ADAMTS9: variants seen among roughly 807,000 people sequenced by gnomAD.
ADAMTS9 encodes A disintegrin and metalloproteinase with thrombospondin motifs 9.
ADAMTS9 carries 107 observed loss-of-function variants against 257.1 expected under a neutral mutation model. The observed-to-expected ratio is 0.42, with a 90% CI of 0.36 to 0.49. ADAMTS9 has a LOEUF of 0.49. Among genes scored for constraint, ADAMTS9 ranks in the 20% least tolerant of loss-of-function variants. The pLI, the probability that ADAMTS9 is intolerant of heterozygous loss-of-function variation, is 0.03. For synonymous variants in ADAMTS9, 982 were observed against 880.9 expected, an observed-to-expected ratio of 1.11 and a Z score of -2.03; for missense variants, 2,353 against 2,469.1, an observed-to-expected ratio of 0.95 and a Z score of 1.00.
intron 30 of ADAMTS9, among the ~76,000 whole-genome samples, chr3:64,551,508 C>A (rs937892666): frequency 1.3e-5 from 2 of 152,128 alleles, no homozygotes; most frequent in Non-Finnish European, 2.9e-5. Context: ...CACTCCCGGC[C>A]GAGAACTCCT....
chr3:64,664,727 A>G (rs557077212), intron 3 of ADAMTS9, among the ~76,000 whole-genome samples: 2 of 152,348 alleles, frequency 1.3e-5, no homozygotes, highest in African/African-American at 4.8e-5. Flanking sequence ...CATTGCTGCT[A>G]TGAACATTCA....
intron 11 of ADAMTS9, among the ~76,000 whole-genome samples, chr3:64,643,810 T>G (rs2106928100): frequency 6.6e-6 from 1 of 152,026 alleles, no homozygotes; most frequent in East Asian, 1.9e-4. Context: ...TACTAAGTCT[T>G]CAAATCCTGG....
chr3:64,659,043 A>T lies in ADAMTS9; in HGVS notation c.680-252T>A, dbSNP rs180796566. Among the ~76,000 whole-genome samples, 26 of 152,296 alleles carry T rather than the reference A, an allele frequency of 1.7e-4. No homozygotes were observed. The East Asian group carries it at 4.2e-3, about 25-fold the overall frequency. Reference sequence around the variant, plus strand: ...AGAAAATCAGGCCCGAGCTTAAGGGAAACAATTGCACGTGATTCTTATTCA... The same window carrying T: ...AGAAAATCAGGCCCGAGCTTAAGGGTAACAATTGCACGTGATTCTTATTCA... On this transcript the variant is annotated intron_variant, in intron 3 of 39. Transcript: ENST00000498707.
In ADAMTS9 at chr3:64,616,035, A is replaced by G; in HGVS notation, c.2949T>C (p.His983=). ...ATTTTTCACGGTTGCTTGGTTTGGG[A>G]TGGCTGCTGCAAAAACCATCATCAA... ...EKVDDGFCSS[H]PKPSNREKCS... is the part of the protein sequence containing the mutation. The change falls in exon 20 of 40, where the codon CAT becomes CAC. Residue 983 remains histidine, a synonymous_variant. Coordinates refer to ENST00000498707, the MANE Select transcript of ADAMTS9 (RefSeq NM_182920.2). The G allele has an allele frequency of 1.2e-6, 2 of 1,613,990 alleles. No homozygotes were observed. Among genetic ancestry groups the G allele is most frequent in the South Asian group, 1.1e-5 (1 of 91,070 alleles).
rs1474763665 is a variant in ADAMTS9 at position 64,602,272 on chromosome 3, C to T, written c.3748-59G>A. ...TCATTTGGTGGAGGGGTTGACAATT[C>T]CTGAATGTGCATTTCTGTAAATGGC... On this transcript the variant is annotated intron_variant, in intron 25 of 39. Transcript: ENST00000498707. The T allele has an allele frequency of 1.0e-5, 16 of 1,574,304 alleles. No homozygotes were observed. The East Asian group carries it at 3.2e-4, about 31-fold the overall frequency.
In ADAMTS9 at chr3:64,606,960, C is replaced by T. The variant is rs560587786; in HGVS notation, c.3474G>A (p.Gln1158=). Residue 1158 remains glutamine, a splice_region_variant and synonymous_variant, in exon 23 of 40, where the codon CAG becomes CAA. Coordinates refer to ENST00000498707, the MANE Select transcript of ADAMTS9 (RefSeq NM_182920.2). ...CNAATRPTDT[Q]DCELPSCHPP... ...ACTGAGTTGGACAAAGGAAACTTAC[C>T]TGGGTATCAGTTGGTCTAGTTGCTG... 15 of 1,613,586 alleles carry T rather than the reference C, an allele frequency of 9.3e-6. No homozygotes were observed. The South Asian group carries it at 1.3e-4, about 14-fold the overall frequency.
chr3:64,648,741 C>G (rs551699450), intron 10 of ADAMTS9, among the ~76,000 whole-genome samples: 1 of 152,066 alleles, frequency 6.6e-6, no homozygotes, highest in Non-Finnish European at 1.5e-5. Flanking sequence ...GTTATCTTAA[C>G]TTAAAATTAT....
Position 64,649,563 on chromosome 3 carries a change from T to G in ADAMTS9, c.1605+74A>C, listed in dbSNP as rs1559810236. On this transcript the variant is annotated intron_variant, in intron 10 of 39. Coordinates refer to ENST00000498707, the MANE Select transcript of ADAMTS9 (RefSeq NM_182920.2). ...TGGGTAGTTTATAGTCGAGTTAGAA[T>G]GCAATGGAAAACTATGAATAAAAAG... The G allele has an allele frequency of 6.0e-6, 9 of 1,491,506 alleles. No individual in the cohort carries two copies. In the South Asian group the frequency reaches 1.1e-4, roughly 18 times the overall value. 92.4% of individuals were successfully genotyped at this position (1,491,506 alleles called of 1,614,324 possible). A position where few individuals can be genotyped will look rare whatever the true frequency, so the allele number is the denominator to read the frequency against.
At chr3:64,594,582 T>C in intron 27 of ADAMTS9, 148 bp from the exon 28 acceptor site, 2 of 919,154 alleles carry the variant, frequency 2.2e-6, no homozygotes, top group Non-Finnish European at 3.3e-6. Context: ...TTACCAATAG[T>C]GATACGTAAA....
intron 3 of ADAMTS9, among the ~76,000 whole-genome samples, chr3:64,659,234 G>A (rs753035101): frequency 4.6e-5 from 7 of 152,274 alleles, no homozygotes; most frequent in Middle Eastern, 3.4e-3. Flanking sequence ...TTGGGAGGCC[G>A]AGGCAGGTGA....
chr3:64,519,367 C>T (rs1426872657), intron 39 of ADAMTS9, among the ~76,000 whole-genome samples: 1 of 152,074 alleles, frequency 6.6e-6, no homozygotes, highest in East Asian at 1.9e-4. Context: ...TTTAAATAAG[C>T]TCTGCAAAGA....
intron 38 of ADAMTS9, among the ~76,000 whole-genome samples, chr3:64,531,632 A>G (rs2082982645): frequency 6.6e-6 from 1 of 152,150 alleles, no homozygotes; most frequent in African/African-American, 2.4e-5. Context: ...ATGCCCAGCT[A>G]ATTTTTAAAG....
chr3:64,680,023 G>C (rs1038196415), intron 3 of ADAMTS9, among the ~76,000 whole-genome samples: 1 of 152,148 alleles, frequency 6.6e-6, no homozygotes, highest in Non-Finnish European at 1.5e-5. Context: ...AACTGGATGG[G>C]ATAAAGCCAA....
intron 32 of ADAMTS9, 79 bp downstream of exon 32, chr3:64,546,679 A>G: frequency 7.1e-7 from 1 of 1,413,292 alleles, no homozygotes; most frequent in Non-Finnish European, 9.6e-7. Context: ...TACTAAGGAG[A>G]GCGGGTTAGG....
At chr3:64,651,207 G>T in intron 8 of ADAMTS9, 44 bp from the exon 9 acceptor site, 2 of 1,511,108 alleles carry the variant, frequency 1.3e-6, no homozygotes, top group East Asian at 2.5e-5. Context: ...TAAACACCAA[G>T]GGATCATGCT....
At chr3:64,643,090 T>C (rs997074796) in intron 11 of ADAMTS9, among the ~76,000 whole-genome samples, 1 of 152,156 alleles carries the variant, frequency 6.6e-6, no homozygotes, top group African/African-American at 2.4e-5. Context: ...CCTGGGCTGT[T>C]TGGCTGAGGC....
intron 11 of ADAMTS9, among the ~76,000 whole-genome samples, chr3:64,646,885 CTG>C (rs2106935681): frequency 6.6e-6 from 1 of 152,164 alleles, no homozygotes; most frequent in African/African-American, 2.4e-5. Context: ...ATCTGAGTGA[CTG>C]TGGACAAGTT....
chr3:64,532,466 G>A (rs1231311107), intron 38 of ADAMTS9, among the ~76,000 whole-genome samples: 1 of 152,178 alleles, frequency 6.6e-6, no homozygotes, highest in Non-Finnish European at 1.5e-5. Flanking sequence ...CCATGGTGAA[G>A]TTGAAAAATC....
intron 10 of ADAMTS9, 38 bp from the exon 11 acceptor site, chr3:64,648,082 G>C (rs373200708): frequency 3.2e-6 from 5 of 1,563,240 alleles, no homozygotes; most frequent in South Asian, 1.1e-5. Flanking sequence ...AGTGACAAGT[G>C]ATTTATTTGG....
Sources: allele counts gnomAD v4.1 joint callset (sites outside exome capture counted in the v4.1 genomes callset), GRCh38; gene constraint gnomAD v4.1.1; transcripts MANE v1.5; gene names NCBI Gene and HGNC (gene_info 2026-07-23, HGNC 2026-07-21).